RBMS3: variants seen among roughly 807,000 people sequenced by gnomAD.
The protein encoded by RBMS3 is RNA binding motif single stranded interacting protein 3, also known as RNA-binding motif, single-stranded-interacting protein 3.
In RBMS3, 27 loss-of-function variants were observed where a neutral mutation model predicts 66.8. That is an observed-to-expected ratio of 0.40 (90% CI 0.30 to 0.56). RBMS3 has a LOEUF of 0.56. RBMS3 is among the 20% of genes least tolerant of loss of function. The pLI is 0.40. For missense variants in RBMS3, 513 were observed against 549.5 expected (o/e 0.93, Z 0.66); for synonymous variants, 188 against 183.0 (o/e 1.03, Z -0.22).
At chr3:29,406,137 C>A (rs1456501051) in intron 1 of RBMS3, among the ~76,000 whole-genome samples, 1 of 152,118 alleles carries the variant, frequency 6.6e-6, no homozygotes, top group African/African-American at 2.4e-5. Flanking sequence ...TAGGTATCTT[C>A]GGTGCAATTC....
At chr3:29,703,564 A>G (rs2052731765) in intron 4 of RBMS3, among the ~76,000 whole-genome samples, 1 of 152,220 alleles carries the variant, frequency 6.6e-6, no homozygotes, top group South Asian at 2.1e-4. Context: ...TTGTACAAGT[A>G]GTAGGTCTAA....
intron 2 of RBMS3, among the ~76,000 whole-genome samples, chr3:29,443,837 A>G (rs576897665): frequency 6.6e-6 from 1 of 152,238 alleles, no homozygotes; most frequent in African/African-American, 2.4e-5. Context: ...TTACTCATGA[A>G]TGGCATATGA....
chr3:29,612,154 A>G (rs2048514975), intron 4 of RBMS3, among the ~76,000 whole-genome samples: 1 of 152,102 alleles, frequency 6.6e-6, no homozygotes, highest in Non-Finnish European at 1.5e-5. Flanking sequence ...AAAGTTAACT[A>G]TTGATTGTTA....
chr3:29,675,475 T>A (rs2051204431), intron 4 of RBMS3, among the ~76,000 whole-genome samples: 1 of 152,088 alleles, frequency 6.6e-6, no homozygotes, highest in South Asian at 2.1e-4. Flanking sequence ...GAAACTACCA[T>A]CACAGTGAAC....
intron 7 of RBMS3, chr3:29,880,705 T>C: frequency 7.3e-7 from 1 of 1,370,626 alleles, no homozygotes; most frequent in Non-Finnish European, 1.0e-6. Context: ...GCTTAACCCA[T>C]GCCATGTTGT....
At chr3:29,559,510 C>CA (rs553520590) in intron 3 of RBMS3, among the ~76,000 whole-genome samples, 507 of 41,324 alleles carry the variant, frequency 0.012, 95 homozygotes, top group Non-Finnish European at 0.02. Flanking sequence ...GACTCTGTCT[C>CA]AAAAAAAAAA....
At chr3:29,612,049 G>A (rs2048509504) in intron 4 of RBMS3, among the ~76,000 whole-genome samples, 2 of 151,898 alleles carry the variant, frequency 1.3e-5, no homozygotes, top group Non-Finnish European at 1.5e-5. Context: ...CAATTTTTTT[G>A]TTTGTAATGA....
intron 4 of RBMS3, among the ~76,000 whole-genome samples, chr3:29,728,427 A>G (rs531608960): frequency 6.6e-6 from 1 of 152,334 alleles, no homozygotes; most frequent in South Asian, 2.1e-4. Context: ...AATCGTGATG[A>G]AAGACATTCT....
chr3:29,953,765 C>T (rs1695843248), intron 12 of RBMS3, among the ~76,000 whole-genome samples: 1 of 151,880 alleles, frequency 6.6e-6, no homozygotes. Context: ...TGGACCCACA[C>T]TCATATTTAT....
Position 29,884,422 on chromosome 3 carries a change from T to TTTTCTCTC in RBMS3, c.791+215_791+216insTTCTCTCT, listed in dbSNP as rs777331613. ...ATGCCTCTGCCCACATTAAACCCTG[T>TTTTCTCTC]TCTCTCTCTCTCTCTCTCTCTCTCT... On this transcript the variant is annotated intron_variant, in intron 8 of 14. Transcript: ENST00000383767. Among the ~76,000 whole-genome samples the TTTTCTCTC allele has an allele frequency of 6.5e-3, 274 of 41,844 alleles. 15 individuals carry two copies. The highest frequency in any genetic ancestry group is 0.027 in the African/African-American group (263 of 9,656). 27.5% of individuals were successfully genotyped at this position (41,844 alleles called of 152,430 possible).
intron 6 of RBMS3, among the ~76,000 whole-genome samples, chr3:29,850,795 G>C (rs544024052): frequency 6.6e-6 from 1 of 152,284 alleles, no homozygotes; most frequent in South Asian, 2.1e-4. Context: ...CCCTTGAGTT[G>C]CACCTTTCTC....
chr3:29,662,838 T>C (rs533336676), intron 4 of RBMS3, among the ~76,000 whole-genome samples: 37 of 152,332 alleles, frequency 2.4e-4, no homozygotes, highest in African/African-American at 8.9e-4. Flanking sequence ...GCTGCCCATC[T>C]TAATATTTTA....
intron 4 of RBMS3, among the ~76,000 whole-genome samples, chr3:29,636,731 T>A (rs2049488882): frequency 6.6e-6 from 1 of 151,928 alleles, no homozygotes; most frequent in South Asian, 2.1e-4. Context: ...GCAGCACGAC[T>A]TCACATGGTA....
chr3:29,961,090 T>C (rs1696404696), intron 12 of RBMS3, among the ~76,000 whole-genome samples: 1 of 152,152 alleles, frequency 6.6e-6, no homozygotes, highest in Non-Finnish European at 1.5e-5. Flanking sequence ...TCCAAACTTT[T>C]ATGCTGTGTC....
At chr3:29,378,547 A>G (rs772587169) in intron 1 of RBMS3, among the ~76,000 whole-genome samples, 11 of 152,022 alleles carry the variant, frequency 7.2e-5, no homozygotes, top group Non-Finnish European at 1.6e-4. Context: ...ATTAAATGAG[A>G]TAATGTTGAT....
intron 2 of RBMS3, among the ~76,000 whole-genome samples, chr3:29,482,416 C>CATCTATTTCTA (rs1281865311): frequency 1.8e-4 from 28 of 152,150 alleles, no homozygotes; most frequent in African/African-American, 5.8e-4. Context: ...CAAGGAAAGG[C>CATCTATTTCTA]ACAAACCAGT....
intron 14 of RBMS3, 62 bp downstream of exon 14, chr3:29,991,271 ATGT>A: frequency 6.2e-7 from 1 of 1,607,212 alleles, no homozygotes; most frequent in Non-Finnish European, 8.5e-7. Flanking sequence ...TCACTCTCTC[ATGT>A]TGTATGTGTT....
chr3:29,439,736 C>G (rs1465008450), intron 2 of RBMS3, among the ~76,000 whole-genome samples: 1 of 152,030 alleles, frequency 6.6e-6, no homozygotes, highest in Non-Finnish European at 1.5e-5. Flanking sequence ...TTAGGTATAT[C>G]TCCTAATGCT....
intron 1 of RBMS3, among the ~76,000 whole-genome samples, chr3:29,390,066 C>T (rs1482991578): frequency 6.6e-6 from 1 of 152,132 alleles, no homozygotes; most frequent in African/African-American, 2.4e-5. Flanking sequence ...CTAAAAGACC[C>T]CTCCTACAAA....
Sources: allele counts gnomAD v4.1 joint callset (sites outside exome capture counted in the v4.1 genomes callset), GRCh38; gene constraint gnomAD v4.1.1; transcripts MANE v1.5; gene names NCBI Gene and HGNC (gene_info 2026-07-23, HGNC 2026-07-21).